The following NEURL1 variants were observed in gnomAD, a reference collection of about 807,000 sequenced individuals.
NEURL1 encodes E3 ubiquitin-protein ligase NEURL1.
Under a neutral mutation model 41.2 loss-of-function variants are expected in NEURL1, and 26 were observed. That is an observed-to-expected ratio of 0.63 (90% CI 0.46 to 0.87). The LOEUF is 0.87. Among genes scored for constraint, NEURL1 ranks in the 40% least tolerant of loss-of-function variants. The probability of loss-of-function intolerance (pLI) is 0.00; values close to 1 mark genes in which losing one functional copy is unlikely to be tolerated. For synonymous variants in NEURL1, 400 were observed against 402.3 expected (o/e 0.99, Z 0.07); for missense variants, 761 against 871.1 (o/e 0.87, Z 1.59).
intron 1 of NEURL1, among the ~76,000 whole-genome samples, chr10:103,559,846 G>A (rs1047814595): frequency 1.4e-5 from 2 of 143,526 alleles, no homozygotes; most frequent in Admixed American, 6.8e-5. Flanking sequence ...ACATATGTGC[G>A]CACACACACA....
intron 1 of NEURL1, among the ~76,000 whole-genome samples, chr10:103,532,920 C>CTTTT (rs144783148): frequency 4.0e-3 from 256 of 63,432 alleles, no homozygotes; most frequent in South Asian, 4.8e-3. Context: ...TTCTCTTCTC[C>CTTTT]TTTTTTTTTT....
chr10:103,507,225 A>AGGG (rs1252568593), intron 1 of NEURL1, among the ~76,000 whole-genome samples: 10 of 152,182 alleles, frequency 6.6e-5, no homozygotes, highest in Admixed American at 6.5e-4. Context: ...GGAACACCTG[A>AGGG]GGGGGACAAG....
intron 1 of NEURL1, among the ~76,000 whole-genome samples, chr10:103,553,697 G>A (rs2035083607): frequency 6.6e-6 from 1 of 152,158 alleles, no homozygotes; most frequent in Non-Finnish European, 1.5e-5. Context: ...TCCCTTACAG[G>A]GCCCAGGCCT....
At chr10:103,548,425 T>A (rs772414016) in intron 1 of NEURL1, among the ~76,000 whole-genome samples, 1 of 152,172 alleles carries the variant, frequency 6.6e-6, no homozygotes, top group Non-Finnish European at 1.5e-5. Context: ...CGGGTTCAAT[T>A]GATTCTCCTG....
chr10:103,542,469 C>G (rs2034840795), intron 1 of NEURL1, among the ~76,000 whole-genome samples: 1 of 152,092 alleles, frequency 6.6e-6, no homozygotes, highest in Admixed American at 6.5e-5. Flanking sequence ...TGCTATGTTA[C>G]CCAGGCTGGT....
Position 103,556,060 on chromosome 10 carries a change from C to T in NEURL1, c.86-14812C>T, listed in dbSNP as rs1381900220. The stretch of plus-strand genomic sequence containing the variant: ...CCCCACAGCGCCTGACCTCGCTTCT[C>T]CAAGTGTGTGCTCTGTGGGGGAGGC... On this transcript the variant is annotated intron_variant, in intron 1 of 5. Coordinates refer to ENST00000369780, the MANE Select transcript of NEURL1 (RefSeq NM_004210.5). This position sits in a 1 kb window ranked among gnomAD's most constrained non-coding sequence, Gnocchi z 4.4. Among the ~76,000 whole-genome samples the T allele has an allele frequency of 6.6e-6, 1 of 152,234 alleles. No homozygotes were observed. The highest frequency in any genetic ancestry group is 1.5e-5 in the Non-Finnish European group (1 of 68,034).
intron 4 of NEURL1, among the ~76,000 whole-genome samples, chr10:103,586,240 C>A (rs1487120196): frequency 1.3e-5 from 2 of 152,018 alleles, no homozygotes; most frequent in African/African-American, 4.8e-5. Context: ...CTAATTTGAC[C>A]GGAAATCTTT....
At chr10:103,529,242 C>A (rs2034522508) in intron 1 of NEURL1, among the ~76,000 whole-genome samples, 1 of 152,132 alleles carries the variant, frequency 6.6e-6, no homozygotes, top group Non-Finnish European at 1.5e-5. Context: ...ATATAGGCAC[C>A]TTTTAAAATT....
intron 1 of NEURL1, among the ~76,000 whole-genome samples, chr10:103,516,109 T>C (rs2034198758): frequency 6.6e-6 from 1 of 150,880 alleles, no homozygotes; most frequent in South Asian, 2.1e-4. Flanking sequence ...GCGCCTGTAG[T>C]CCCAGCTACT....
intron 1 of NEURL1, among the ~76,000 whole-genome samples, chr10:103,554,656 T>C (rs1031476975): frequency 7.9e-5 from 12 of 152,296 alleles, no homozygotes; most frequent in African/African-American, 2.9e-4. Flanking sequence ...GTTGATCTGT[T>C]GATAATGACT....
intron 3 of NEURL1, among the ~76,000 whole-genome samples, chr10:103,579,987 C>G (rs2035752035): frequency 6.6e-6 from 1 of 152,110 alleles, no homozygotes; most frequent in Admixed American, 6.5e-5. Flanking sequence ...TGCCTTTAAG[C>G]CTTGCCCCTT....
intron 1 of NEURL1, among the ~76,000 whole-genome samples, chr10:103,533,829 C>G (rs1190030211): frequency 6.6e-6 from 1 of 152,088 alleles, no homozygotes; most frequent in Non-Finnish European, 1.5e-5. Flanking sequence ...AGCCACCGCT[C>G]CCGGCCTAAT....
At chr10:103,567,073 T>C (rs1299944262) in intron 1 of NEURL1, among the ~76,000 whole-genome samples, 1 of 151,352 alleles carries the variant, frequency 6.6e-6, no homozygotes, top group Non-Finnish European at 1.5e-5. Flanking sequence ...ACCCTCCGCC[T>C]CCTGGGTTTA....
At chr10:103,562,031 G>C (rs1043291475) in intron 1 of NEURL1, among the ~76,000 whole-genome samples, 1 of 152,220 alleles carries the variant, frequency 6.6e-6, no homozygotes, top group African/African-American at 2.4e-5. Flanking sequence ...AATTCATTCA[G>C]TAACTTTTAT....
chr10:103,571,498 C>G lies in NEURL1; in HGVS notation c.328-3C>G, dbSNP rs768091368. 1 of 1,597,046 alleles carries G rather than the reference C, an allele frequency of 6.3e-7. No individual in the cohort carries two copies. The highest frequency in any genetic ancestry group is 2.2e-5 in the East Asian group (1 of 44,774). On this transcript the variant is annotated splice_polypyrimidine_tract_variant and splice_region_variant and intron_variant, in intron 2 of 5. Transcript: ENST00000369780. ...TGGGCTGAGGCCACCCCCTGCCACC[C>G]AGATCACCAAGAAGCAGTGCTGCTG...
intron 1 of NEURL1, among the ~76,000 whole-genome samples, chr10:103,567,066 C>T (rs933368237): frequency 6.6e-6 from 1 of 151,756 alleles, no homozygotes; most frequent in Non-Finnish European, 1.5e-5. Flanking sequence ...CACTGCAACC[C>T]TCCGCCTCCT....
At chr10:103,522,263 C>G (rs1402867689) in intron 1 of NEURL1, among the ~76,000 whole-genome samples, 2 of 152,042 alleles carry the variant, frequency 1.3e-5, no homozygotes, top group Non-Finnish European at 2.9e-5. Flanking sequence ...AGAGGCCTGA[C>G]AGTCAGCATT....
At chr10:103,528,321 CT>C (rs2034502715) in intron 1 of NEURL1, among the ~76,000 whole-genome samples, 1 of 152,106 alleles carries the variant, frequency 6.6e-6, no homozygotes, top group African/African-American at 2.4e-5. Flanking sequence ...CACCATTGCA[CT>C]CCAGCCTGGG....
intron 3 of NEURL1, among the ~76,000 whole-genome samples, chr10:103,579,176 C>A (rs2035733884): frequency 1.3e-5 from 2 of 152,228 alleles, no homozygotes; most frequent in African/African-American, 4.8e-5. Context: ...CTGGGGCCCT[C>A]CTCAGTCTGT....
Sources: gnomAD v4.1 joint callset for allele counts (sites outside exome capture counted in the v4.1 genomes callset) on GRCh38, gnomAD v4.1.1 for gene constraint, Gnocchi (gnomAD v3.1) non-coding constraint, MANE v1.5 for transcripts, NCBI Gene and HGNC (gene_info 2026-07-23, HGNC 2026-07-21) for gene names.